SDK1: variants seen among roughly 807,000 people sequenced by gnomAD.
SDK1 encodes the protein sidekick cell adhesion molecule 1, also known as protein sidekick-1.
In SDK1, 157 loss-of-function variants were observed where a neutral mutation model predicts 245.5. The observed-to-expected ratio is 0.64, with a 90% confidence interval of 0.56 to 0.73. The LOEUF (loss-of-function observed/expected upper bound fraction) is 0.73, where lower values mean the gene tolerates loss of function less well. Among genes scored for constraint, SDK1 ranks in the 30% least tolerant of loss-of-function variants. The probability of loss-of-function intolerance (pLI) is 0.00; values close to 1 mark genes in which losing one functional copy is unlikely to be tolerated. For missense variants in SDK1, 3,583 were observed against 3,002.3 expected (o/e 1.19, Z -4.52); for synonymous variants, 1,647 against 1,278.5 (o/e 1.29, Z -6.15).
At chr7:3,813,513 G>A (rs929667217) in intron 4 of SDK1, among the ~76,000 whole-genome samples, 1 of 147,020 alleles carries the variant, frequency 6.8e-6, no homozygotes, top group South Asian at 2.2e-4. Context: ...GTCTATCATT[G>A]TTGGACATTT....
intron 5 of SDK1, among the ~76,000 whole-genome samples, chr7:3,941,633 C>T (rs1215072663): frequency 6.6e-6 from 1 of 152,200 alleles, no homozygotes; most frequent in African/African-American, 2.4e-5. Context: ...GAACTGACCT[C>T]AACGCCACAC....
intron 1 of SDK1, among the ~76,000 whole-genome samples, chr7:3,496,446 C>T (rs1335463450): frequency 6.6e-6 from 1 of 151,238 alleles, no homozygotes; most frequent in African/African-American, 2.4e-5. Context: ...AGGTATCACG[C>T]TGTGTTTTTA....
At chr7:3,747,172 A>C (rs988247312) in intron 4 of SDK1, among the ~76,000 whole-genome samples, 1 of 152,216 alleles carries the variant, frequency 6.6e-6, no homozygotes, top group Non-Finnish European at 1.5e-5. Flanking sequence ...TGATAATAGA[A>C]AATTTTGCAA....
chr7:3,993,862 C>T (rs1784520378), intron 14 of SDK1, among the ~76,000 whole-genome samples: 1 of 152,166 alleles, frequency 6.6e-6, no homozygotes, highest in Non-Finnish European at 1.5e-5. Flanking sequence ...GCCATATTGT[C>T]GTTGTTGTAA....
At chr7:4,235,048 C>G (rs752776422) in intron 41 of SDK1, among the ~76,000 whole-genome samples, 1 of 152,138 alleles carries the variant, frequency 6.6e-6, no homozygotes, top group Non-Finnish European at 1.5e-5. Flanking sequence ...GAGGAACGAC[C>G]CTGTGCTCGT....
chr7:4,244,961 C>T (rs1256543421), intron 43 of SDK1, among the ~76,000 whole-genome samples: 1 of 152,206 alleles, frequency 6.6e-6, no homozygotes, highest in Non-Finnish European at 1.5e-5. Flanking sequence ...GCATCTCTGT[C>T]TCCAGTCCGC....
intron 14 of SDK1, among the ~76,000 whole-genome samples, chr7:3,992,608 C>G (rs1302649603): frequency 6.6e-6 from 1 of 152,168 alleles, no homozygotes; most frequent in East Asian, 1.9e-4. Flanking sequence ...GGCCCACTCT[C>G]TAAAATGCTT....
chr7:3,779,323 A>C (rs761177576), intron 4 of SDK1, among the ~76,000 whole-genome samples: 14 of 152,188 alleles, frequency 9.2e-5, no homozygotes, highest in African/African-American at 3.4e-4. Flanking sequence ...TCTTGAGTGG[A>C]TAAGAGCAAG....
chr7:3,774,214 C>CAAAA, intron 4 of SDK1, among the ~76,000 whole-genome samples: 1 of 70,350 alleles, frequency 1.4e-5, no homozygotes, highest in South Asian at 5.1e-4. Flanking sequence ...GACTCCATCT[C>CAAAA]AAAAAAAAAA....
chr7:4,011,891 G>A (rs1785996348), intron 15 of SDK1, among the ~76,000 whole-genome samples: 1 of 152,074 alleles, frequency 6.6e-6, no homozygotes, highest in African/African-American at 2.4e-5. Flanking sequence ...CTCGTTGCTT[G>A]GTTAACTGAT....
chr7:3,741,506 A>G (rs1463644959), intron 4 of SDK1, among the ~76,000 whole-genome samples: 4 of 152,222 alleles, frequency 2.6e-5, no homozygotes, highest in East Asian at 1.9e-4. Flanking sequence ...ACTGTTGTGT[A>G]TGTATTTTAT....
At chr7:3,512,690 G>A (rs1278749932) in intron 1 of SDK1, among the ~76,000 whole-genome samples, 1 of 152,086 alleles carries the variant, frequency 6.6e-6, no homozygotes, top group Non-Finnish European at 1.5e-5. Flanking sequence ...AAGGTCTTTG[G>A]CTCATTTTTT....
At chr7:3,630,713 C>G (rs1344053072) in intron 2 of SDK1, among the ~76,000 whole-genome samples, 1 of 152,100 alleles carries the variant, frequency 6.6e-6, no homozygotes, top group Non-Finnish European at 1.5e-5. Context: ...AAGGTCTTTA[C>G]ACTGAAAACT....
intron 4 of SDK1, among the ~76,000 whole-genome samples, chr7:3,738,139 ATCT>A (rs1166740738): frequency 2.0e-5 from 3 of 152,150 alleles, no homozygotes; most frequent in African/African-American, 7.2e-5. Flanking sequence ...AACATCGTGA[ATCT>A]TCTCTCTTAT....
intron 28 of SDK1, among the ~76,000 whole-genome samples, chr7:4,135,105 G>C (rs930368662): frequency 6.6e-6 from 1 of 152,210 alleles, no homozygotes; most frequent in African/African-American, 2.4e-5. Context: ...GAGCCCATCA[G>C]CTGGTTTTAT....
chr7:4,056,428 T>C (rs1263754199), intron 19 of SDK1, among the ~76,000 whole-genome samples: 2 of 152,000 alleles, frequency 1.3e-5, no homozygotes, highest in Admixed American at 1.3e-4. Context: ...TAACCACACT[T>C]CAAATAGATC....
intron 4 of SDK1, among the ~76,000 whole-genome samples, chr7:3,704,637 T>C (rs1784834459): frequency 6.6e-6 from 1 of 152,164 alleles, no homozygotes; most frequent in South Asian, 2.1e-4. Flanking sequence ...ATTCTGTAGG[T>C]TGTCTGTTTA....
At chr7:3,983,074 G>C (rs912695986) in intron 13 of SDK1, among the ~76,000 whole-genome samples, 3 of 152,126 alleles carry the variant, frequency 2.0e-5, no homozygotes, top group Non-Finnish European at 4.4e-5. Flanking sequence ...GTCCAGATGA[G>C]GATTTGCTTC....
At chr7:3,449,555 C>T (rs1449958733) in intron 1 of SDK1, among the ~76,000 whole-genome samples, 1 of 152,130 alleles carries the variant, frequency 6.6e-6, no homozygotes, top group African/African-American at 2.4e-5. Flanking sequence ...TAGAAGTAGG[C>T]TTTTGGAGTA....
Sources: allele counts gnomAD v4.1 joint callset (sites outside exome capture counted in the v4.1 genomes callset), GRCh38; gene constraint gnomAD v4.1.1; transcripts MANE v1.5; gene names NCBI Gene and HGNC (gene_info 2026-07-23, HGNC 2026-07-21).